Variants in ZNF438 observed in about 807,000 individuals in gnomAD.
ZNF438 encodes zinc finger protein 438.
A neutral mutation model predicts 38.0 loss-of-function variants in ZNF438; 25 were observed. The ratio of observed to expected loss-of-function variants is 0.66; its 90% CI spans 0.48 to 0.92. ZNF438 has a LOEUF of 0.92. Among genes scored for constraint, ZNF438 ranks in the 40% least tolerant of loss-of-function variants. The pLI, the probability that ZNF438 is intolerant of heterozygous loss-of-function variation, is 0.00. For missense variants in ZNF438, 1,007 were observed against 999.6 expected (o/e 1.01, Z -0.10); for synonymous variants, 372 against 364.1 (o/e 1.02, Z -0.25).
chr10:30,880,292 A>T (rs1469925256), intron 3 of ZNF438, among the ~76,000 whole-genome samples: 1 of 151,922 alleles, frequency 6.6e-6, no homozygotes, highest in Non-Finnish European at 1.5e-5. Context: ...TTAGCTGGGC[A>T]TGGTGGTGCA....
At chr10:31,031,051 A>G (rs2057260810) in intron 1 of ZNF438, among the ~76,000 whole-genome samples, 1 of 152,202 alleles carries the variant, frequency 6.6e-6, no homozygotes, top group Non-Finnish European at 1.5e-5. Context: ...TCCCCATTCT[A>G]TCAAGTTTAG....
chr10:31,010,889 T>C (rs552260485), intron 1 of ZNF438, among the ~76,000 whole-genome samples: 820 of 81,158 alleles, frequency 0.01, 12 homozygotes, highest in Non-Finnish European at 0.013. Flanking sequence ...TGAGACCCTG[T>C]TTGAAAAAAA....
chr10:31,006,352 A>G (rs934783656), intron 1 of ZNF438, among the ~76,000 whole-genome samples: 2 of 152,048 alleles, frequency 1.3e-5, no homozygotes, highest in South Asian at 2.1e-4. Flanking sequence ...TGCCTACCCA[A>G]TGAAGCTTAA....
intron 2 of ZNF438, among the ~76,000 whole-genome samples, chr10:30,926,815 G>C (rs1455758660): frequency 6.6e-6 from 1 of 152,092 alleles, no homozygotes; most frequent in South Asian, 2.1e-4. Flanking sequence ...AGAGCTGACT[G>C]CTTCTGGAAT....
At chr10:31,022,638 A>T (rs1419362202) in intron 1 of ZNF438, among the ~76,000 whole-genome samples, 1 of 152,120 alleles carries the variant, frequency 6.6e-6, no homozygotes, top group African/African-American at 2.4e-5. Context: ...TGCACTGAAA[A>T]CTGCAACACC....
chr10:30,887,937 A>G (rs1412852471), intron 3 of ZNF438, among the ~76,000 whole-genome samples: 1 of 152,198 alleles, frequency 6.6e-6, no homozygotes, highest in Non-Finnish European at 1.5e-5. Flanking sequence ...TCAGACAGTA[A>G]CTATTCACTT....
chr10:30,928,676 C>A (rs995338924), intron 2 of ZNF438, among the ~76,000 whole-genome samples: 1 of 152,060 alleles, frequency 6.6e-6, no homozygotes, highest in African/African-American at 2.4e-5. Context: ...GTTTTGCCTG[C>A]TGCTCTAAGA....
chr10:30,866,045 C>G (rs1234559472), intron 4 of ZNF438, among the ~76,000 whole-genome samples: 1 of 152,160 alleles, frequency 6.6e-6, no homozygotes, highest in Non-Finnish European at 1.5e-5. Flanking sequence ...GTAGTGCCCA[C>G]AAACTGTTCA....
intron 4 of ZNF438, among the ~76,000 whole-genome samples, chr10:30,872,301 C>T (rs1446021348): frequency 6.6e-6 from 1 of 151,758 alleles, no homozygotes; most frequent in African/African-American, 2.4e-5. Flanking sequence ...TGGTGCGCTC[C>T]TGTAGTCCCA....
At chr10:30,928,120 G>A (rs2045180753) in intron 2 of ZNF438, among the ~76,000 whole-genome samples, 1 of 152,062 alleles carries the variant, frequency 6.6e-6, no homozygotes, top group Non-Finnish European at 1.5e-5. Flanking sequence ...CTAATCCAAA[G>A]AGAGGCGACG....
chr10:30,940,882 T>C (rs530895721), intron 2 of ZNF438, among the ~76,000 whole-genome samples: 9 of 152,196 alleles, frequency 5.9e-5, no homozygotes. Context: ...AATAAGAACA[T>C]ATAAATAACT....
At chr10:30,872,374 C>T (rs747010596) in intron 4 of ZNF438, among the ~76,000 whole-genome samples, 14 of 101,332 alleles carry the variant, frequency 1.4e-4, no homozygotes, top group Non-Finnish European at 3.0e-4. Flanking sequence ...TGCAGTGAGC[C>T]GAGATTGCAC....
At chr10:31,026,675 C>G (rs989412941) in intron 1 of ZNF438, among the ~76,000 whole-genome samples, 53 of 152,250 alleles carry the variant, frequency 3.5e-4, no homozygotes, top group African/African-American at 1.3e-3. Flanking sequence ...CTGTGGAAGA[C>G]AGTGTGGCGA....
chr10:30,962,616 C>T lies in ZNF438; in HGVS notation c.-191-20965G>A, dbSNP rs1011971503. Among the ~76,000 whole-genome samples, 4 of 147,212 alleles carry T rather than the reference C, an allele frequency of 2.7e-5. No individual in the cohort carries two copies. In the Admixed American group the frequency reaches 2.7e-4, roughly 10 times the overall value. ...CCCACTTTTCCTAAAATTAGCAAAC[C>T]ACCAAAACCTTTAATCACGGATCAC... On this transcript the variant is annotated intron_variant, in intron 1 of 5. Transcript: ENST00000413025.
At chr10:30,942,776 T>C (rs537976249) in intron 1 of ZNF438, among the ~76,000 whole-genome samples, 1 of 152,360 alleles carries the variant, frequency 6.6e-6, no homozygotes, top group African/African-American at 2.4e-5. Context: ...CATTTCAGAA[T>C]CATCTGTGTA....
chr10:30,915,241 T>C (rs1367312126), intron 2 of ZNF438, among the ~76,000 whole-genome samples: 3 of 152,090 alleles, frequency 2.0e-5, no homozygotes, highest in Admixed American at 6.6e-5. Context: ...ATTTAGAACC[T>C]TAACTTCAAT....
At chr10:30,882,806 A>G (rs183576923) in intron 3 of ZNF438, among the ~76,000 whole-genome samples, 1 of 152,324 alleles carries the variant, frequency 6.6e-6, no homozygotes, top group Admixed American at 6.5e-5. Context: ...GTATATACGT[A>G]TATCAAAATT....
intron 1 of ZNF438, among the ~76,000 whole-genome samples, chr10:31,026,844 A>C (rs1050637187): frequency 2.6e-5 from 4 of 152,172 alleles, no homozygotes; most frequent in Admixed American, 2.0e-4. Context: ...ACCAACCCAA[A>C]TGTCCATCAA....
At chr10:30,877,646 ATT>A (rs2038631298) in intron 3 of ZNF438, among the ~76,000 whole-genome samples, 2 of 152,166 alleles carry the variant, frequency 1.3e-5, no homozygotes, top group African/African-American at 4.8e-5. Flanking sequence ...CAATATATAA[ATT>A]TACAGTGTGT....
Sources: gnomAD v4.1 joint callset for allele counts (sites outside exome capture counted in the v4.1 genomes callset) on GRCh38, gnomAD v4.1.1 for gene constraint, MANE v1.5 for transcripts, NCBI Gene and HGNC (gene_info 2026-07-23, HGNC 2026-07-21) for gene names.